Variants in WDR70 observed in about 807,000 individuals in gnomAD.
The protein encoded by WDR70 is WD repeat-containing protein 70.
Under a neutral mutation model 88.6 loss-of-function variants are expected in WDR70, and 53 were observed. The ratio of observed to expected loss-of-function variants is 0.60; its 90% CI spans 0.48 to 0.75. The LOEUF is 0.75. Among genes scored for constraint, WDR70 ranks in the 30% least tolerant of loss-of-function variants. The probability of loss-of-function intolerance (pLI) is 0.00; values close to 1 mark genes in which losing one functional copy is unlikely to be tolerated. For missense variants in WDR70, 610 were observed against 823.2 expected, an observed-to-expected ratio of 0.74 and a Z score of 3.17; for synonymous variants, 280 against 270.0, an observed-to-expected ratio of 1.04 and a Z score of -0.36.
In WDR70 at chr5:37,691,536, T is replaced by G. The variant is rs189302418; in HGVS notation, c.1093-6119T>G. Among the ~76,000 whole-genome samples the G allele has an allele frequency of 1.6e-3, 242 of 152,252 alleles. 6 individuals are homozygous for G. The highest frequency in any genetic ancestry group is 5.6e-3 in the African/African-American group (233 of 41,552). On this transcript the variant is annotated intron_variant, in intron 10 of 17. Transcript: ENST00000265107. ...CTCTCAGACTACAGTGCAATCAAAT[T>G]AGAACTCAGGATTAAGAAACTCACT...
chr5:37,403,697 A>G (rs1749269287), intron 5 of WDR70, among the ~76,000 whole-genome samples: 2 of 152,152 alleles, frequency 1.3e-5, no homozygotes, highest in African/African-American at 4.8e-5. Context: ...CCTTTCTTTA[A>G]CCTAGTGTTA....
chr5:37,587,330 C>T (rs1411611500), intron 9 of WDR70, among the ~76,000 whole-genome samples: 3 of 151,398 alleles, frequency 2.0e-5, no homozygotes, highest in Non-Finnish European at 4.4e-5. Context: ...ATCCTCTTGT[C>T]AAAGCAAACT....
At chr5:37,738,763 A>G (rs894933479) in intron 17 of WDR70, among the ~76,000 whole-genome samples, 8 of 152,212 alleles carry the variant, frequency 5.3e-5, no homozygotes, top group Non-Finnish European at 8.8e-5. Flanking sequence ...ACTTTGTAAA[A>G]ATAATCTTGA....
intron 7 of WDR70, among the ~76,000 whole-genome samples, chr5:37,475,689 C>A (rs1739459542): frequency 6.6e-6 from 1 of 152,100 alleles, no homozygotes; most frequent in African/African-American, 2.4e-5. Context: ...AGTTTTCTAT[C>A]CATCCTGTCA....
chr5:37,609,115 C>T lies in WDR70; in HGVS notation c.1092+3877C>T, dbSNP rs1001044824. Among the ~76,000 whole-genome samples, 6 of 152,194 alleles carry T rather than the reference C, an allele frequency of 3.9e-5. No individual in the cohort carries two copies. In the East Asian group the frequency reaches 1.2e-3, roughly 29 times the overall value. The stretch of plus-strand genomic sequence containing the variant: ...AAACACTATCCTAGTTATGTGAATA[C>T]ACAATGAGATAGAGTTGGGTATGTG... On this transcript the variant is annotated intron_variant, in intron 10 of 17. Coordinates refer to ENST00000265107, the MANE Select transcript of WDR70 (RefSeq NM_018034.4).
intron 2 of WDR70, among the ~76,000 whole-genome samples, chr5:37,380,895 C>G (rs1748405394): frequency 6.6e-6 from 1 of 152,154 alleles, no homozygotes; most frequent in South Asian, 2.1e-4. Flanking sequence ...AGTCCGCCCA[C>G]CTGAGCCTCT....
At chr5:37,447,924 C>T (rs1738554207) in intron 7 of WDR70, among the ~76,000 whole-genome samples, 1 of 152,036 alleles carries the variant, frequency 6.6e-6, no homozygotes, top group Admixed American at 6.6e-5. Context: ...TACCCTAGAA[C>T]TTAAAGTGTA....
At position 37,448,293 on chromosome 5, in the gene WDR70, A is replaced by G. The variant is rs568717139; in HGVS notation, c.686+4921A>G. On this transcript the variant is annotated intron_variant, in intron 7 of 17. Coordinates refer to ENST00000265107, the MANE Select transcript of WDR70 (RefSeq NM_018034.4). ...AAACTTACTTGGTTTCTGGCACAAC[A>G]TGATGTAGGCTTCCTGTTACATTCC... is the stretch of plus-strand genomic sequence containing the variant. 3.3e-5 allele frequency among the ~76,000 whole-genome samples: 5 copies of G among 152,288 alleles called. No homozygotes were observed. The East Asian group carries it at 9.7e-4, about 29-fold the overall frequency.
intron 10 of WDR70, among the ~76,000 whole-genome samples, chr5:37,676,156 A>G (rs369647924): frequency 1.3e-5 from 2 of 150,808 alleles, no homozygotes; most frequent in East Asian, 3.9e-4. Context: ...GGGTTTTCTA[A>G]ATATACAATC....
At chr5:37,724,680 G>T in intron 15 of WDR70, 1 of 376,930 alleles carries the variant, frequency 2.7e-6, no homozygotes, top group Non-Finnish European at 4.8e-6. Context: ...TTGGGAGATG[G>T]GGAGCCTCAC....
chr5:37,491,500 T>C (rs1740067706), intron 8 of WDR70, among the ~76,000 whole-genome samples: 1 of 152,228 alleles, frequency 6.6e-6, no homozygotes, highest in Non-Finnish European at 1.5e-5. Flanking sequence ...TTAAATTACA[T>C]GACTAAGGTG....
At chr5:37,695,214 C>T (rs1437730947) in intron 10 of WDR70, among the ~76,000 whole-genome samples, 1 of 151,952 alleles carries the variant, frequency 6.6e-6, no homozygotes, top group East Asian at 1.9e-4. Flanking sequence ...GAGAACTCAC[C>T]CACTATCATG....
chr5:37,591,625 C>G (rs1011392042), intron 9 of WDR70, among the ~76,000 whole-genome samples: 2 of 152,144 alleles, frequency 1.3e-5, no homozygotes, highest in Admixed American at 6.6e-5. Flanking sequence ...AGAAAAAATT[C>G]CAATTCTATA....
chr5:37,629,726 A>G (rs969328603), intron 10 of WDR70, among the ~76,000 whole-genome samples: 3 of 151,678 alleles, frequency 2.0e-5, no homozygotes, highest in Non-Finnish European at 4.4e-5. Flanking sequence ...CTTGTATCTC[A>G]CTCAGTTTCC....
intron 9 of WDR70, among the ~76,000 whole-genome samples, chr5:37,587,350 T>C (rs563342191): frequency 1.2e-3 from 184 of 151,532 alleles, no homozygotes; most frequent in Non-Finnish European, 2.3e-3. Flanking sequence ...TACTTTTTTT[T>C]CCCTATATAG....
chr5:37,571,454 G>A (rs914916622), intron 9 of WDR70, among the ~76,000 whole-genome samples: 1 of 152,134 alleles, frequency 6.6e-6, no homozygotes. Flanking sequence ...TTGCCTAGAT[G>A]TTGGAATAAA....
chr5:37,602,972 C>T (rs1398927196), intron 9 of WDR70, among the ~76,000 whole-genome samples: 1 of 151,134 alleles, frequency 6.6e-6, no homozygotes, highest in Admixed American at 6.6e-5. Flanking sequence ...GCGAGACTGT[C>T]TTAAAAAAAA....
intron 3 of WDR70, among the ~76,000 whole-genome samples, chr5:37,390,787 G>T (rs1176976769): frequency 7.3e-5 from 11 of 150,504 alleles, no homozygotes; most frequent in Middle Eastern, 3.4e-3. Context: ...CGCAATCTTG[G>T]CTCACCACAA....
intron 8 of WDR70, among the ~76,000 whole-genome samples, chr5:37,498,048 G>A (rs1305750013): frequency 6.6e-6 from 1 of 152,038 alleles, no homozygotes; most frequent in Non-Finnish European, 1.5e-5. Flanking sequence ...TCTTGAACTC[G>A]TGGTCTCCAG....
Sources: allele counts gnomAD v4.1 joint callset (sites outside exome capture counted in the v4.1 genomes callset), GRCh38; gene constraint gnomAD v4.1.1; transcripts MANE v1.5; gene names NCBI Gene and HGNC (gene_info 2026-07-23, HGNC 2026-07-21).